The following ARHGAP39 variants were observed in gnomAD, a reference collection of about 807,000 sequenced individuals.
ARHGAP39 encodes rho GTPase-activating protein 39.
ARHGAP39 carries 44 observed loss-of-function variants against 106.9 expected under a neutral mutation model. The observed-to-expected ratio is 0.41, with a 90% CI of 0.32 to 0.53. The LOEUF (loss-of-function observed/expected upper bound fraction) is 0.53, where lower values mean the gene tolerates loss of function less well. ARHGAP39 is among the 20% of genes least tolerant of loss of function. The pLI, the probability that ARHGAP39 is intolerant of heterozygous loss-of-function variation, is 0.21. For synonymous variants in ARHGAP39, 768 were observed against 693.2 expected (o/e 1.11, Z -1.69); for missense variants, 1,496 against 1,577.3 (o/e 0.95, Z 0.87).
intron 1 of ARHGAP39, among the ~76,000 whole-genome samples, chr8:144,629,017 C>T (rs558693690): frequency 8.6e-4 from 131 of 152,326 alleles, no homozygotes; most frequent in African/African-American, 2.8e-3. Flanking sequence ...CCACGCGCTT[C>T]CCATTAGTGC....
At chr8:144,648,651 G>C (rs1292606341) in intron 1 of ARHGAP39, among the ~76,000 whole-genome samples, 1 of 152,232 alleles carries the variant, frequency 6.6e-6, no homozygotes, top group East Asian at 1.9e-4. Context: ...TGCCACTGTA[G>C]AGACGAGGCA....
At chr8:144,687,975 GTGACCACATACTA>G (rs1563739843), upstream of ARHGAP39, among the ~76,000 whole-genome samples, 1 of 142,016 alleles carries the variant, frequency 7.0e-6, no homozygotes, top group African/African-American at 2.7e-5. Context: ...TCCCAACCCC[GTGACCACATACTA>G]GCGGTGAGCA....
chr8:144,663,537 T>C (rs1302602897), intron 1 of ARHGAP39, among the ~76,000 whole-genome samples: 1 of 152,062 alleles, frequency 6.6e-6, no homozygotes, highest in African/African-American at 2.4e-5. Flanking sequence ...GGATTAAACT[T>C]CAACACAAGA....
intron 1 of ARHGAP39, among the ~76,000 whole-genome samples, chr8:144,620,000 G>T (rs1443572065): frequency 6.6e-6 from 1 of 150,942 alleles, no homozygotes; most frequent in Non-Finnish European, 1.5e-5. Context: ...GTGTGCCCAT[G>T]TGTGAGCCTG....
At chr8:144,667,226 C>G (rs1261748864) in intron 1 of ARHGAP39, among the ~76,000 whole-genome samples, 2 of 152,234 alleles carry the variant, frequency 1.3e-5, no homozygotes, top group Non-Finnish European at 2.9e-5. Context: ...CCCTCCTGCT[C>G]CCACCTCACA....
At chr8:144,653,790 A>G (rs182132784) in intron 1 of ARHGAP39, among the ~76,000 whole-genome samples, 1 of 152,338 alleles carries the variant, frequency 6.6e-6, no homozygotes, top group African/African-American at 2.4e-5. Context: ...TCCTGTTGGA[A>G]TAACTAGAAA....
At chr8:144,660,424 G>T (rs1035835307) in intron 1 of ARHGAP39, among the ~76,000 whole-genome samples, 38 of 152,124 alleles carry the variant, frequency 2.5e-4, no homozygotes, top group African/African-American at 8.2e-4. Flanking sequence ...AGCATTCACT[G>T]GTGCCTCTAA....
chr8:144,632,462 C>T (rs569503832), intron 1 of ARHGAP39, among the ~76,000 whole-genome samples: 4 of 152,346 alleles, frequency 2.6e-5, no homozygotes, highest in South Asian at 2.1e-4. Flanking sequence ...TCAGCGTGCA[C>T]GAGGACTGTG....
intron 1 of ARHGAP39, among the ~76,000 whole-genome samples, chr8:144,620,500 A>G (rs973656634): frequency 9.2e-5 from 13 of 141,342 alleles, no homozygotes; most frequent in Admixed American, 1.5e-4. Flanking sequence ...TGTGTGTCCA[A>G]GGGAGCACGT....
chr8:144,655,214 T>A (rs1226585919), intron 1 of ARHGAP39, among the ~76,000 whole-genome samples: 3 of 152,076 alleles, frequency 2.0e-5, no homozygotes, highest in African/African-American at 7.2e-5. Flanking sequence ...GCCAGTCCCA[T>A]GGACTGGAGT....
At position 144,613,614 on chromosome 8, in the gene ARHGAP39, C is replaced by CT. The variant is rs550311283; in HGVS notation, c.-81-7920dup. On this transcript the variant is annotated intron_variant, in intron 1 of 11. Transcript: ENST00000377307. ...GTTCCTTCATACACAAAAGGCCTTG[C>CT]TTTTTTTTTTTCTGGCTGCTTTTGA... Among the ~76,000 whole-genome samples the CT allele has an allele frequency of 3.8e-3, 546 of 143,124 alleles. 3 individuals carry two copies. Among genetic ancestry groups the CT allele is most frequent in the East Asian group, 9.9e-3 (49 of 4,970 alleles). The allele number at this position is 143,124 out of a possible 152,430, so 93.9% of individuals were successfully genotyped here. A position where few individuals can be genotyped will look rare whatever the true frequency, so the allele number is the denominator to read the frequency against.
At chr8:144,678,130 T>C (rs1299249248) in intron 1 of ARHGAP39, among the ~76,000 whole-genome samples, 10 of 152,048 alleles carry the variant, frequency 6.6e-5, no homozygotes, top group Admixed American at 6.5e-4. Context: ...AACAGCCAAG[T>C]GCCATGGCTC....
At chr8:144,632,862 A>T (rs993080812) in intron 1 of ARHGAP39, among the ~76,000 whole-genome samples, 1 of 152,234 alleles carries the variant, frequency 6.6e-6, no homozygotes, top group Non-Finnish European at 1.5e-5. Context: ...ATCAAGATAT[A>T]TTTTACTTAT....
At chr8:144,673,227 A>G (rs1586650754) in intron 1 of ARHGAP39, among the ~76,000 whole-genome samples, 1 of 151,130 alleles carries the variant, frequency 6.6e-6, no homozygotes, top group East Asian at 1.9e-4. Flanking sequence ...AAAAAAAAAA[A>G]GAGGAAGAAA....
chr8:144,626,908 G>T (rs1284091454), intron 1 of ARHGAP39, among the ~76,000 whole-genome samples: 1 of 152,218 alleles, frequency 6.6e-6, no homozygotes, highest in African/African-American at 2.4e-5. Flanking sequence ...ACTGAGGTGG[G>T]ACAACAGCCC....
Position 144,615,093 on chromosome 8 carries a change from G to A in ARHGAP39, c.-81-9398C>T, listed in dbSNP as rs575398986. ...CCCAGCACTTTGGGAGACCAAGGTA[G>A]GAGGACTGCTTGAGCTCAGGAGTTC... On this transcript the variant is annotated intron_variant, in intron 1 of 11. Coordinates refer to ENST00000377307, the MANE Select transcript of ARHGAP39 (RefSeq NM_025251.3). 3.9e-5 allele frequency among the ~76,000 whole-genome samples: 6 copies of A among 152,366 alleles called. No homozygotes were observed. In the East Asian group the frequency reaches 1.2e-3, roughly 29 times the overall value.
intron 1 of ARHGAP39, among the ~76,000 whole-genome samples, chr8:144,653,099 G>A (rs753922128): frequency 2.6e-5 from 4 of 151,996 alleles, no homozygotes; most frequent in East Asian, 1.9e-4. Context: ...GGAGTTTGAC[G>A]CCAGCCTGAT....
chr8:144,585,899 C>T lies in ARHGAP39; in HGVS notation c.81-4622G>A, dbSNP rs1426519110. Among the ~76,000 whole-genome samples the T allele has an allele frequency of 6.6e-6, 1 of 152,194 alleles. No individual in the cohort carries two copies. The highest frequency in any genetic ancestry group is 2.4e-5 in the African/African-American group (1 of 41,458). ...CCTTCCCCCTGGAGCCGGCTCTCCC[C>T]GAGGGACAGATGGGGCATCCCTGCA... is the stretch of plus-strand genomic sequence containing the variant. On this transcript the variant is annotated intron_variant, in intron 2 of 11. Transcript: ENST00000377307. This position sits in a 1 kb window ranked among gnomAD's most constrained non-coding sequence, Gnocchi z 4.6.
intron 2 of ARHGAP39, among the ~76,000 whole-genome samples, chr8:144,594,380 A>C (rs1363474338): frequency 1.3e-5 from 2 of 152,156 alleles, no homozygotes; most frequent in Admixed American, 1.3e-4. Context: ...ACTGTGGAAG[A>C]GTTTGGTGGT....
Sources: allele counts gnomAD v4.1 joint callset (sites outside exome capture counted in the v4.1 genomes callset), GRCh38; gene constraint gnomAD v4.1.1; non-coding constraint Gnocchi (gnomAD v3.1); transcripts MANE v1.5; gene names NCBI Gene and HGNC (gene_info 2026-07-23, HGNC 2026-07-21).